Variants in DACH2 observed in about 807,000 individuals in gnomAD.
DACH2 encodes the protein dachshund homolog 2.
In DACH2, 17 loss-of-function variants were observed where a neutral mutation model predicts 35.8. The ratio of observed to expected loss-of-function variants is 0.48; its 90% CI spans 0.33 to 0.71. The LOEUF (loss-of-function observed/expected upper bound fraction) is 0.71. Ranked by LOEUF, DACH2 falls within the 30% of genes least tolerant of loss-of-function variation. The pLI is 0.02. For synonymous variants in DACH2, 195 were observed against 177.3 expected (o/e 1.10, Z -0.79); for missense variants, 469 against 472.7 (o/e 0.99, Z 0.07).
chrX:86,577,475 A>G (rs1273147580), intron 3 of DACH2, among the ~76,000 whole-genome samples: 4 of 111,666 alleles, frequency 3.6e-5, no homozygotes, highest in African/African-American at 1.3e-4. Context: ...TATTTTAAAT[A>G]AAAGATATAA....
intron 4 of DACH2, among the ~76,000 whole-genome samples, chrX:86,666,396 G>T (rs2040670589): frequency 9.0e-6 from 1 of 111,303 alleles, no homozygotes; most frequent in African/African-American, 3.3e-5. Flanking sequence ...TACAGTCATA[G>T]TCCAGGAAAG....
At chrX:86,765,144 G>A (rs2041919617) in intron 7 of DACH2, among the ~76,000 whole-genome samples, 1 of 111,050 alleles carries the variant, frequency 9.0e-6, no homozygotes, top group Non-Finnish European at 1.9e-5. Context: ...TCAGATGCAT[G>A]GTTTGTGAAT....
intron 1 of DACH2, among the ~76,000 whole-genome samples, chrX:86,335,623 G>C (rs2035293352): frequency 8.9e-6 from 1 of 112,013 alleles, no homozygotes; most frequent in Admixed American, 9.5e-5. Context: ...TGCTGAAGTT[G>C]CTTATCAGCT....
intron 10 of DACH2, 107 bp from the exon 11 acceptor site, chrX:86,815,927 T>A: frequency 1.9e-6 from 1 of 516,320 alleles, no homozygotes; most frequent in South Asian, 6.6e-5. Context: ...CCACCCAAGG[T>A]CTTATGTTAT....
At chrX:86,500,981 A>G (rs1019048511) in intron 2 of DACH2, among the ~76,000 whole-genome samples, 4 of 111,729 alleles carry the variant, frequency 3.6e-5, no homozygotes, top group African/African-American at 1.3e-4. Flanking sequence ...GATGAGACAG[A>G]TCTATGACAC....
chrX:86,482,098 T>C (rs945325848), intron 2 of DACH2, among the ~76,000 whole-genome samples: 3 of 111,569 alleles, frequency 2.7e-5, no homozygotes, highest in Non-Finnish European at 5.6e-5. Context: ...TTGTGGTGAA[T>C]ACAGTTAAGA....
At chrX:86,315,838 C>CAG (rs1441850166) in intron 1 of DACH2, among the ~76,000 whole-genome samples, 2 of 77,054 alleles carry the variant, frequency 2.6e-5, no homozygotes, top group East Asian at 4.5e-4. Flanking sequence ...CACACACACA[C>CAG]ACAGAGAGAG....
In DACH2 at chrX:86,148,860, G is replaced by C; in HGVS notation, c.240G>C (p.Ser80=). The C allele has an allele frequency of 2.5e-6, 3 of 1,211,670 alleles. No homozygotes were observed. The highest frequency in any genetic ancestry group is 1.8e-5 in the South Asian group (1 of 56,957). ...MVDMHGMKVA[S]FLMDGQELIC... is the part of the protein sequence containing the mutation. ...ACATGCACGGGATGAAGGTGGCTTCGTTCCTGATGGACGGCCAGGAACTGA... is the reference window on the plus strand; with the variant it reads ...ACATGCACGGGATGAAGGTGGCTTCCTTCCTGATGGACGGCCAGGAACTGA... The change falls in exon 1 of 12, where the codon TCG becomes TCC. Residue 80 remains serine, a synonymous_variant. Coordinates refer to ENST00000373125, the MANE Select transcript of DACH2 (RefSeq NM_053281.3).
chrX:86,740,465 T>G lies in DACH2; in HGVS notation c.1240+583T>G, dbSNP rs2041642513. ...TGTGCTGCACCCATTAACTCGTCAT[T>G]TAGCATTAGGTATATCTCCTAATGC... On this transcript the variant is annotated intron_variant, in intron 7 of 11. Coordinates refer to ENST00000373125, the MANE Select transcript of DACH2 (RefSeq NM_053281.3). 3.8e-5 allele frequency among the ~76,000 whole-genome samples: 4 copies of G among 104,810 alleles called. No individual in the cohort carries two copies. The South Asian group carries it at 1.9e-3, about 49-fold the overall frequency. The allele number at this position is 104,810 out of a possible 115,157, so 91.0% of individuals were successfully genotyped here.
At position 86,286,432 on chromosome X, in the gene DACH2, G is replaced by A. The variant is rs72633141; in HGVS notation, c.489-90392G>A. 9.0e-5 allele frequency among the ~76,000 whole-genome samples: 10 copies of A among 111,026 alleles called. No homozygotes were observed. In the East Asian group the frequency reaches 2.3e-3, roughly 25 times the overall value. Reference sequence around the variant, plus strand: ...GGAGCCAGTCTGTTTTGATTGGAGAGTTTAGTCTATTTACATTCATTGTTA... The same window carrying A: ...GGAGCCAGTCTGTTTTGATTGGAGAATTTAGTCTATTTACATTCATTGTTA... On this transcript the variant is annotated intron_variant, in intron 1 of 11. Transcript: ENST00000373125.
chrX:86,420,272 A>G (rs1353447099), intron 2 of DACH2, among the ~76,000 whole-genome samples: 2 of 112,222 alleles, frequency 1.8e-5, no homozygotes, highest in African/African-American at 6.5e-5. Context: ...TCTATATTTT[A>G]TTATGCTCTA....
chrX:86,376,368 T>C (rs1346180302), intron 1 of DACH2, among the ~76,000 whole-genome samples: 2 of 110,055 alleles, frequency 1.8e-5, no homozygotes, highest in Non-Finnish European at 3.8e-5. Flanking sequence ...GAAAGGGATT[T>C]TTCCCTCCAA....
chrX:86,319,411 A>C lies in DACH2; in HGVS notation c.489-57413A>C, dbSNP rs148078344. 3.7e-3 allele frequency among the ~76,000 whole-genome samples: 416 copies of C among 111,728 alleles called. 1 individual carries two copies. The highest frequency in any genetic ancestry group is 0.013 in the African/African-American group (392 of 30,790). On this transcript the variant is annotated intron_variant, in intron 1 of 11. Coordinates refer to ENST00000373125, the MANE Select transcript of DACH2 (RefSeq NM_053281.3). ...ATCCATGTTCAGTAGTCTCAATTAC[A>C]TGTCATAGCTCTTAGCAATTTTTCA...
chrX:86,449,643 A>G (rs1366820659), intron 2 of DACH2, among the ~76,000 whole-genome samples: 1 of 110,358 alleles, frequency 9.1e-6, no homozygotes, highest in Non-Finnish European at 1.9e-5. Flanking sequence ...CTTGCTTTTT[A>G]TTTTAGCATA....
intron 1 of DACH2, among the ~76,000 whole-genome samples, chrX:86,318,745 C>A (rs1423716779): frequency 9.0e-6 from 1 of 111,350 alleles, no homozygotes; most frequent in Non-Finnish European, 1.9e-5. Flanking sequence ...CTCTGTAGCA[C>A]CCAAAAGCTA....
At chrX:86,578,762 T>C (rs6524671) in intron 3 of DACH2, among the ~76,000 whole-genome samples, 35,156 of 110,068 alleles carry the variant, frequency 0.32, 4,414 homozygotes, top group East Asian at 0.54. Context: ...AGATTAGTTT[T>C]CAGTTCACTT....
chrX:86,327,519 G>T (rs751576868), intron 1 of DACH2, among the ~76,000 whole-genome samples: 9 of 111,774 alleles, frequency 8.1e-5, no homozygotes, highest in Non-Finnish European at 1.5e-4. Context: ...AGTGGTAAAG[G>T]TGTCAAGGGT....
chrX:86,314,753 C>T (rs773395610), intron 1 of DACH2, among the ~76,000 whole-genome samples: 1 of 111,971 alleles, frequency 8.9e-6, no homozygotes, highest in African/African-American at 3.2e-5. Context: ...AAATCAGCCA[C>T]AACATTCCCT....
At chrX:86,400,417 A>G (rs183441525) in intron 2 of DACH2, among the ~76,000 whole-genome samples, 326 of 111,672 alleles carry the variant, frequency 2.9e-3, no homozygotes, top group African/African-American at 9.8e-3. Context: ...TTCCATTGCT[A>G]GTGAGGAGCT....
Sources: allele counts gnomAD v4.1 joint callset (sites outside exome capture counted in the v4.1 genomes callset), GRCh38; gene constraint gnomAD v4.1.1; transcripts MANE v1.5; gene names NCBI Gene and HGNC (gene_info 2026-07-23, HGNC 2026-07-21).